ASIC2: variants seen among roughly 807,000 people sequenced by gnomAD.
The protein encoded by ASIC2 is acid-sensing ion channel 2.
A neutral mutation model predicts 57.3 loss-of-function variants in ASIC2; 25 were observed. The observed-to-expected ratio is 0.44, with a 90% confidence interval of 0.32 to 0.61. The LOEUF (loss-of-function observed/expected upper bound fraction) is 0.61. Ranked by LOEUF, ASIC2 falls within the 20% of genes least tolerant of loss-of-function variation. ASIC2 has a pLI of 0.06. For missense variants in ASIC2, 641 were observed against 738.1 expected, an observed-to-expected ratio of 0.87 and a Z score of 1.52; for synonymous variants, 319 against 307.5, an observed-to-expected ratio of 1.04 and a Z score of -0.39.
At chr17:33,288,240 G>C (rs1217845955) in intron 1 of ASIC2, among the ~76,000 whole-genome samples, 1 of 152,144 alleles carries the variant, frequency 6.6e-6, no homozygotes, top group Non-Finnish European at 1.5e-5. Context: ...ATGTGGCATA[G>C]ATGCAGCAGG....
At chr17:33,403,387 A>T (rs1020779341) in intron 1 of ASIC2, among the ~76,000 whole-genome samples, 1 of 152,154 alleles carries the variant, frequency 6.6e-6, no homozygotes, top group African/African-American at 2.4e-5. Context: ...GGAAGATCAT[A>T]TCTCTTCTCC....
chr17:33,016,455 A>T (rs994127227), intron 8 of ASIC2, among the ~76,000 whole-genome samples: 1 of 152,132 alleles, frequency 6.6e-6, no homozygotes, highest in Non-Finnish European at 1.5e-5. Context: ...AATTCAGAAG[A>T]CCAGGACATG....
At chr17:33,939,310 A>G (rs914405524) in intron 1 of ASIC2, among the ~76,000 whole-genome samples, 1 of 152,272 alleles carries the variant, frequency 6.6e-6, no homozygotes, top group Non-Finnish European at 1.5e-5. Flanking sequence ...AGAGAGGTCA[A>G]GTAACATTCT....
intron 1 of ASIC2, among the ~76,000 whole-genome samples, chr17:33,629,314 A>G (rs533269025): frequency 1.2e-5 from 1 of 83,316 alleles, no homozygotes; most frequent in Non-Finnish European, 2.3e-5. Flanking sequence ...ATTAGGCTTC[A>G]AATTAGAAGG....
intron 1 of ASIC2, among the ~76,000 whole-genome samples, chr17:33,987,568 C>T (rs890514523): frequency 6.6e-6 from 1 of 152,162 alleles, no homozygotes; most frequent in Admixed American, 6.5e-5. Flanking sequence ...TTGCTGAACA[C>T]ACACAATCAG....
At chr17:33,633,512 G>A (rs368066133) in intron 1 of ASIC2, among the ~76,000 whole-genome samples, 22 of 152,324 alleles carry the variant, frequency 1.4e-4, no homozygotes, top group African/African-American at 5.3e-4. Flanking sequence ...GGGTCGAGGG[G>A]TTGCTGGAGT....
intron 1 of ASIC2, among the ~76,000 whole-genome samples, chr17:33,835,787 A>C (rs1290202369): frequency 1.3e-5 from 2 of 152,092 alleles, no homozygotes; most frequent in Non-Finnish European, 2.9e-5. Flanking sequence ...TAAAATATAC[A>C]TAATTGCTAT....
At chr17:33,187,247 C>A (rs1047578743) in intron 1 of ASIC2, among the ~76,000 whole-genome samples, 1 of 152,170 alleles carries the variant, frequency 6.6e-6, no homozygotes, top group Admixed American at 6.5e-5. Flanking sequence ...GAACAACCAA[C>A]GCTTCAAAAG....
At chr17:34,046,704 A>C (rs933772586) in intron 1 of ASIC2, among the ~76,000 whole-genome samples, 4 of 152,250 alleles carry the variant, frequency 2.6e-5, no homozygotes, top group African/African-American at 9.6e-5. Flanking sequence ...ACTGAATGGG[A>C]AACATAGCAG....
intron 1 of ASIC2, among the ~76,000 whole-genome samples, chr17:33,622,386 T>TA (rs1004736566): frequency 2.0e-5 from 3 of 152,038 alleles, no homozygotes; most frequent in Admixed American, 6.6e-5. Context: ...ACAGTTTTTT[T>TA]AAAAAAAGAC....
chr17:33,169,227 T>C (rs759565285), intron 1 of ASIC2, among the ~76,000 whole-genome samples: 14 of 152,160 alleles, frequency 9.2e-5, no homozygotes, highest in African/African-American at 1.2e-4. Context: ...GTGAATTCTA[T>C]AGGAACAAAG....
At chr17:33,707,096 A>ATAGT (rs1908885354) in intron 1 of ASIC2, among the ~76,000 whole-genome samples, 1 of 152,206 alleles carries the variant, frequency 6.6e-6, no homozygotes, top group African/African-American at 2.4e-5. Flanking sequence ...ACTGTCTCCT[A>ATAGT]GCTTCTGATA....
chr17:33,314,307 C>A (rs1317738391), intron 1 of ASIC2, among the ~76,000 whole-genome samples: 1 of 152,174 alleles, frequency 6.6e-6, no homozygotes, highest in Non-Finnish European at 1.5e-5. Flanking sequence ...TCTTTCCATA[C>A]CAGACCATGA....
intron 1 of ASIC2, among the ~76,000 whole-genome samples, chr17:34,023,356 C>T (rs937263873): frequency 9.3e-5 from 12 of 128,902 alleles, no homozygotes; most frequent in African/African-American, 2.5e-4. Context: ...GTTTCTCTTT[C>T]TCTCTCTCTC....
At chr17:33,700,125 A>G (rs1166356181) in intron 1 of ASIC2, among the ~76,000 whole-genome samples, 1 of 152,176 alleles carries the variant, frequency 6.6e-6, no homozygotes, top group East Asian at 1.9e-4. Context: ...TTAAGCTCAC[A>G]TTAGGCAAAG....
intron 1 of ASIC2, among the ~76,000 whole-genome samples, chr17:33,722,202 T>A (rs969472593): frequency 2.0e-5 from 3 of 152,138 alleles, no homozygotes; most frequent in African/African-American, 7.2e-5. Flanking sequence ...CGAGATCTCA[T>A]GCTTTTAAAA....
chr17:34,062,918 A>T (rs966648356), intron 1 of ASIC2, among the ~76,000 whole-genome samples: 1 of 152,202 alleles, frequency 6.6e-6, no homozygotes, highest in Non-Finnish European at 1.5e-5. Flanking sequence ...AGACGAATTC[A>T]CAACAGAATT....
intron 1 of ASIC2, among the ~76,000 whole-genome samples, chr17:33,881,392 T>A (rs2141940088): frequency 6.6e-6 from 1 of 152,356 alleles, no homozygotes; most frequent in African/African-American, 2.4e-5. Context: ...CTCCTTAAAC[T>A]GATAGGCAAC....
chr17:34,138,549 C>G (rs1247412926), intron 1 of ASIC2, among the ~76,000 whole-genome samples: 2 of 152,182 alleles, frequency 1.3e-5, no homozygotes, highest in Non-Finnish European at 2.9e-5. Context: ...ACACTGGACA[C>G]TTTCTGAGCT....
Sources: gnomAD v4.1 joint callset for allele counts (sites outside exome capture counted in the v4.1 genomes callset) on GRCh38, gnomAD v4.1.1 for gene constraint, MANE v1.5 for transcripts, NCBI Gene and HGNC (gene_info 2026-07-23, HGNC 2026-07-21) for gene names.